MALRD1: variants seen among roughly 807,000 people sequenced by gnomAD.
The protein encoded by MALRD1 is MAM and LDL-receptor class A domain-containing protein 1.
Under a neutral mutation model 242.1 loss-of-function variants are expected in MALRD1, and 247 were observed. The ratio of observed to expected loss-of-function variants is 1.02; its 90% confidence interval spans 0.92 to 1.13. The LOEUF (loss-of-function observed/expected upper bound fraction) is 1.13. Ranked by LOEUF, MALRD1 falls within the 50% of genes most tolerant of loss-of-function variation. MALRD1 has a pLI of 0.00. For missense variants in MALRD1, 2,989 were observed against 2,533.1 expected (o/e 1.18, Z -3.86); for synonymous variants, 995 against 866.6 (o/e 1.15, Z -2.60).
At chr10:19,363,541 G>T (rs1400091621) in intron 26 of MALRD1, among the ~76,000 whole-genome samples, 1 of 152,146 alleles carries the variant, frequency 6.6e-6, no homozygotes, top group Non-Finnish European at 1.5e-5. Context: ...CACTGTGTGT[G>T]TCTTCCTCCT....
chr10:19,260,145 A>T (rs972075202), intron 19 of MALRD1, among the ~76,000 whole-genome samples: 1 of 152,202 alleles, frequency 6.6e-6, no homozygotes, highest in African/African-American at 2.4e-5. Context: ...AAGTAATTCT[A>T]TGTGCCAGAT....
chr10:19,246,044 T>G lies in MALRD1; in HGVS notation c.2992-11640T>G, dbSNP rs556514389. On this transcript the variant is annotated intron_variant, in intron 18 of 39. Transcript: ENST00000454679. ...GTGTTAAACAGTTAATAAGAGCTTTTGTTAATGGTGAAGATTTTATCTGTG... is the reference window on the plus strand; with the variant it reads ...GTGTTAAACAGTTAATAAGAGCTTTGGTTAATGGTGAAGATTTTATCTGTG... Among the ~76,000 whole-genome samples the G allele has an allele frequency of 1.9e-3, 292 of 152,244 alleles. 2 individuals are homozygous for G. Among genetic ancestry groups the G allele is most frequent in the Non-Finnish European group, 2.3e-3 (157 of 68,006 alleles).
intron 13 of MALRD1, among the ~76,000 whole-genome samples, chr10:19,171,429 C>CAT (rs71387049): frequency 0.068 from 4,153 of 61,272 alleles, 109 homozygotes; most frequent in Non-Finnish European, 0.1. Context: ...ATTTTATATA[C>CAT]ATATATATAT....
intron 16 of MALRD1, 105 bp downstream of exon 16, chr10:19,204,518 G>C (rs1345168850): frequency 9.6e-6 from 7 of 725,486 alleles, no homozygotes; most frequent in Non-Finnish European, 1.5e-5. Context: ...TTTACTGCTG[G>C]TTTTACTCTA....
chr10:19,381,164 G>GT (rs1845823083), intron 26 of MALRD1, among the ~76,000 whole-genome samples: 1 of 149,010 alleles, frequency 6.7e-6, no homozygotes. Context: ...GCGGTGTTCG[G>GT]TTTTTTGTTC....
At chr10:19,255,696 A>G (rs1231350731) in intron 18 of MALRD1, among the ~76,000 whole-genome samples, 1 of 152,090 alleles carries the variant, frequency 6.6e-6, no homozygotes, top group Admixed American at 6.6e-5. Flanking sequence ...AATTGAAGAT[A>G]TTTTGGTAAA....
chr10:19,694,446 T>C (rs1833267831), intron 38 of MALRD1, among the ~76,000 whole-genome samples: 1 of 152,174 alleles, frequency 6.6e-6, no homozygotes, highest in South Asian at 2.1e-4. Context: ...AGAAGACATT[T>C]ATGCAGCCAA....
chr10:19,249,234 G>A (rs1441136147), intron 18 of MALRD1, among the ~76,000 whole-genome samples: 1 of 151,550 alleles, frequency 6.6e-6, no homozygotes, highest in Non-Finnish European at 1.5e-5. Flanking sequence ...TTGGGGAATG[G>A]AAAAAGGAGG....
At position 19,048,990 on chromosome 10, in the gene MALRD1, T is replaced by C; in HGVS notation, c.52T>C (p.Cys18Arg). 1 of 1,233,952 alleles carries C rather than the reference T, an allele frequency of 8.1e-7. No individual in the cohort carries two copies. The highest frequency in any genetic ancestry group is 1.0e-6 in the Non-Finnish European group (1 of 988,154). The allele number at this position is 1,233,952 out of a possible 1,614,324, so 76.4% of individuals were successfully genotyped here. Residue 18 changes from cysteine to arginine, a missense_variant, in exon 1 of 40, where the codon TGT becomes CGT. Cys to Arg is a radical substitution (Grantham distance 180, BLOSUM62 -3). Coordinates refer to ENST00000454679, the MANE Select transcript of MALRD1 (RefSeq NM_001142308.3). The stretch of plus-strand genomic sequence containing the variant: ...GGCATTCCCCATGAATGAAACTTTT[T>C]GTTGCCTTTGGATTGCCTGTGTTTT... Reference protein sequence around the residue: ...MLAFPMNETFCCLWIACVFNS... With the variant: ...MLAFPMNETFRCLWIACVFNS...
chr10:19,535,461 A>T (rs988355207), intron 32 of MALRD1, among the ~76,000 whole-genome samples: 6 of 150,884 alleles, frequency 4.0e-5, no homozygotes, highest in African/African-American at 1.5e-4. Context: ...TCCCTCATAA[A>T]TATATGTATA....
At chr10:19,409,466 A>G (rs1486762502) in intron 28 of MALRD1, among the ~76,000 whole-genome samples, 1 of 152,182 alleles carries the variant, frequency 6.6e-6, no homozygotes, top group Non-Finnish European at 1.5e-5. Flanking sequence ...AAAAAAAATA[A>G]ATGAAAATAA....
At chr10:19,140,531 G>GTGTGTGTGTA (rs1833500570) in intron 10 of MALRD1, among the ~76,000 whole-genome samples, 1 of 118,496 alleles carries the variant, frequency 8.4e-6, no homozygotes. Context: ...AGTGGGGTGT[G>GTGTGTGTGTA]TGTGTGTGTG....
chr10:19,730,882 A>G, intron 39 of MALRD1, 101 bp downstream of exon 39: 1 of 1,077,166 alleles, frequency 9.3e-7, no homozygotes, highest in Non-Finnish European at 1.3e-6. Flanking sequence ...TCATGTTTCT[A>G]CATCATAACT....
intron 33 of MALRD1, among the ~76,000 whole-genome samples, chr10:19,586,875 G>T (rs1487808832): frequency 6.6e-6 from 1 of 152,212 alleles, no homozygotes; most frequent in Non-Finnish European, 1.5e-5. Flanking sequence ...AGCAATCAGC[G>T]AGACTCCGTG....
At chr10:19,377,295 AT>A in intron 26 of MALRD1, among the ~76,000 whole-genome samples, 1 of 152,250 alleles carries the variant, frequency 6.6e-6, no homozygotes, top group African/African-American at 2.4e-5. Flanking sequence ...TGCATGGGTT[AT>A]TTTTATATAT....
At chr10:19,512,465 A>G (rs1833449172) in intron 31 of MALRD1, among the ~76,000 whole-genome samples, 1 of 152,226 alleles carries the variant, frequency 6.6e-6, no homozygotes. Flanking sequence ...TGTTTGTAAT[A>G]TCTTATTTAA....
chr10:19,424,718 G>A (rs1833838389), intron 28 of MALRD1, among the ~76,000 whole-genome samples: 1 of 152,000 alleles, frequency 6.6e-6, no homozygotes, highest in Non-Finnish European at 1.5e-5. Context: ...TGTGTTTGGT[G>A]GTAAGAAATA....
chr10:19,657,542 A>C (rs1482417768), intron 36 of MALRD1, among the ~76,000 whole-genome samples: 3 of 143,886 alleles, frequency 2.1e-5, no homozygotes, highest in African/African-American at 8.7e-5. Flanking sequence ...TTTTTTTCTT[A>C]ACATTTTTTT....
intron 36 of MALRD1, among the ~76,000 whole-genome samples, chr10:19,687,950 TATGTTATGTTA>T (rs1036835171): frequency 1.3e-5 from 2 of 151,162 alleles, no homozygotes; most frequent in South Asian, 2.1e-4. Flanking sequence ...TATGTTATGT[TATGTTATGTTA>T]TGTTATGTTA....
Sources: allele counts gnomAD v4.1 joint callset (sites outside exome capture counted in the v4.1 genomes callset), GRCh38; gene constraint gnomAD v4.1.1; transcripts MANE v1.5; gene names NCBI Gene and HGNC (gene_info 2026-07-23, HGNC 2026-07-21).